MDFIC: variants seen among roughly 807,000 people sequenced by gnomAD.
The protein encoded by MDFIC is myoD family inhibitor domain-containing protein.
In MDFIC, 17 loss-of-function variants were observed where a neutral mutation model predicts 23.2. The ratio of observed to expected loss-of-function variants is 0.73; its 90% CI spans 0.50 to 1.10. The LOEUF is 1.10. Among genes scored for constraint, MDFIC ranks in the 50% least tolerant of loss-of-function variants. The probability of loss-of-function intolerance (pLI) is 0.00; values close to 1 mark genes in which losing one functional copy is unlikely to be tolerated. For missense variants in MDFIC, 356 were observed against 316.6 expected (o/e 1.12, Z -0.95); for synonymous variants, 120 against 115.2 (o/e 1.04, Z -0.27).
At chr7:114,961,874 G>A (rs1306771301) in intron 3 of MDFIC, among the ~76,000 whole-genome samples, 1 of 152,044 alleles carries the variant, frequency 6.6e-6, no homozygotes, top group African/African-American at 2.4e-5. Context: ...TTTGGGCAGG[G>A]ACACAAATCC....
At chr7:114,964,478 GCCCTC>G (rs1467378221) in intron 3 of MDFIC, among the ~76,000 whole-genome samples, 38 of 119,678 alleles carry the variant, frequency 3.2e-4, no homozygotes, top group Middle Eastern at 4.2e-3. Flanking sequence ...CTTCCTTGAT[GCCCTC>G]CCCTCCCCTC....
intron 3 of MDFIC, among the ~76,000 whole-genome samples, chr7:114,973,985 T>C (rs977130993): frequency 3.3e-5 from 5 of 151,250 alleles, no homozygotes; most frequent in African/African-American, 9.7e-5. Flanking sequence ...AAGAGGCAAA[T>C]AAAAAAAAGA....
chr7:114,999,921 T>A (rs1260758738), intron 4 of MDFIC, among the ~76,000 whole-genome samples: 1 of 152,178 alleles, frequency 6.6e-6, no homozygotes, highest in Admixed American at 6.5e-5. Flanking sequence ...TTGATGACAT[T>A]TTCATATATT....
At chr7:114,942,637 A>G (rs1442474777) in intron 3 of MDFIC, among the ~76,000 whole-genome samples, 1 of 152,190 alleles carries the variant, frequency 6.6e-6, no homozygotes, top group Non-Finnish European at 1.5e-5. Flanking sequence ...TCTCAGAGAG[A>G]TTCAGTCAAA....
At chr7:114,943,045 C>T (rs1271406606) in intron 3 of MDFIC, among the ~76,000 whole-genome samples, 3 of 152,090 alleles carry the variant, frequency 2.0e-5, no homozygotes, top group Admixed American at 6.6e-5. Flanking sequence ...ATGAATTATT[C>T]GACATAGCAA....
chr7:114,986,167 A>G (rs1793509836), intron 4 of MDFIC, among the ~76,000 whole-genome samples: 2 of 152,064 alleles, frequency 1.3e-5, no homozygotes, highest in Admixed American at 6.6e-5. Context: ...ACTGAAACCC[A>G]GTTTATATTG....
intron 2 of MDFIC, among the ~76,000 whole-genome samples, chr7:114,940,406 C>T (rs1792515829): frequency 6.6e-6 from 1 of 152,234 alleles, no homozygotes; most frequent in Non-Finnish European, 1.5e-5. Context: ...GAAATGTTAA[C>T]ACGGTTGACT....
chr7:114,956,231 T>C (rs1156341874), intron 3 of MDFIC, among the ~76,000 whole-genome samples: 2 of 152,150 alleles, frequency 1.3e-5, no homozygotes, highest in Non-Finnish European at 2.9e-5. Context: ...TCTGCCCTTG[T>C]GTTGGCAAGA....
intron 2 of MDFIC, among the ~76,000 whole-genome samples, chr7:114,929,210 G>C (rs1378690985): frequency 6.6e-6 from 1 of 151,094 alleles, no homozygotes; most frequent in Admixed American, 6.6e-5. Flanking sequence ...GGGTTCAAGC[G>C]ATTCTTCTGC....
chr7:114,986,263 G>A (rs190212475), intron 4 of MDFIC, among the ~76,000 whole-genome samples: 220 of 151,836 alleles, frequency 1.4e-3, no homozygotes, highest in Middle Eastern at 3.4e-3. Context: ...TTTAGGCTTC[G>A]CTTCTTTGTC....
At chr7:114,929,055 A>C (rs6977183) in intron 2 of MDFIC, among the ~76,000 whole-genome samples, 83,592 of 149,916 alleles carry the variant, frequency 0.56, 24,105 homozygotes, top group Admixed American at 0.67. Context: ...CTATAGATAA[A>C]TATAGATATA....
Position 114,922,947 on chromosome 7 carries a change from C to G in MDFIC, c.-87C>G, listed in dbSNP as rs1204153880. The stretch of plus-strand genomic sequence containing the variant: ...GCCAGAAGCAGTCAGTTCCCTGCAC[C>G]CAGCACCTCACAGCCCTTCCTCCGT... On this transcript the variant is annotated 5_prime_UTR_variant, in exon 2 of 5. Transcript: ENST00000393486. The G allele has an allele frequency of 3.1e-6, 5 of 1,590,222 alleles. No homozygotes were observed. The African/African-American group carries it at 5.5e-5, about 17-fold the overall frequency.
chr7:114,936,618 G>A (rs974946379), intron 2 of MDFIC, among the ~76,000 whole-genome samples: 2 of 152,114 alleles, frequency 1.3e-5, no homozygotes, highest in Non-Finnish European at 2.9e-5. Flanking sequence ...TTGTTCCCTT[G>A]TGAAGTAGCA....
At chr7:114,986,724 C>A (rs1012622871) in intron 4 of MDFIC, among the ~76,000 whole-genome samples, 2 of 152,180 alleles carry the variant, frequency 1.3e-5, no homozygotes, top group African/African-American at 4.8e-5. Flanking sequence ...TTTTTCAGAA[C>A]TCATCTTAGT....
At chr7:115,008,004 TC>T (rs764683633) in intron 4 of MDFIC, among the ~76,000 whole-genome samples, 7 of 151,706 alleles carry the variant, frequency 4.6e-5, no homozygotes, top group Non-Finnish European at 1.0e-4. Flanking sequence ...CAGCCTAACT[TC>T]CTAGACTTTG....
chr7:114,954,371 A>G (rs967630610), intron 3 of MDFIC, among the ~76,000 whole-genome samples: 8 of 152,238 alleles, frequency 5.3e-5, no homozygotes, highest in African/African-American at 1.7e-4. Flanking sequence ...TGATCTCCCT[A>G]AATTCCATAA....
intron 2 of MDFIC, among the ~76,000 whole-genome samples, chr7:114,938,413 G>GT (rs1192970574): frequency 2.6e-5 from 4 of 152,162 alleles, no homozygotes; most frequent in East Asian, 1.9e-4. Flanking sequence ...ATATACCTAA[G>GT]TTTTTTTTAA....
intron 3 of MDFIC, among the ~76,000 whole-genome samples, chr7:114,969,777 C>A (rs530007887): frequency 6.6e-6 from 1 of 152,150 alleles, no homozygotes; most frequent in African/African-American, 2.4e-5. Context: ...CTCACACAAA[C>A]GTATATGTAC....
In MDFIC at chr7:114,922,529, C is replaced by T; in HGVS notation, c.-215C>T. 7.9e-7 allele frequency: 1 copy of T among 1,264,936 alleles called. No individual in the cohort carries two copies. The highest frequency in any genetic ancestry group is 1.0e-6 in the Non-Finnish European group (1 of 999,020). 78.4% of individuals were successfully genotyped at this position (1,264,936 alleles called of 1,614,324 possible). On this transcript the variant is annotated 5_prime_UTR_variant, in exon 1 of 5. Coordinates refer to ENST00000393486, the MANE Select transcript of MDFIC (RefSeq NM_001166345.3). ...GGGGCGGCCGCCGCCGTCGTCAGGC[C>T]ACCGGGGCGAAAATGCGGCCGCTGC...
Sources: allele counts gnomAD v4.1 joint callset (sites outside exome capture counted in the v4.1 genomes callset), GRCh38; gene constraint gnomAD v4.1.1; transcripts MANE v1.5; gene names NCBI Gene and HGNC (gene_info 2026-07-23, HGNC 2026-07-21).